Variants in DNER observed in about 807,000 individuals in gnomAD.
DNER encodes delta/notch like EGF repeat containing, also known as delta and Notch-like epidermal growth factor-related receptor.
In DNER, 33 loss-of-function variants were observed where a neutral mutation model predicts 78.2. That is an observed-to-expected ratio of 0.42 (90% CI 0.32 to 0.56). The LOEUF (loss-of-function observed/expected upper bound fraction) is 0.56. DNER is among the 20% of genes least tolerant of loss of function. The probability of loss-of-function intolerance (pLI) is 0.11; values close to 1 mark genes in which losing one functional copy is unlikely to be tolerated. For synonymous variants in DNER, 417 were observed against 384.8 expected, an observed-to-expected ratio of 1.08 and a Z score of -0.98; for missense variants, 918 against 975.3, an observed-to-expected ratio of 0.94 and a Z score of 0.78.
At chr2:229,451,396 G>A (rs760310424) in intron 7 of DNER, among the ~76,000 whole-genome samples, 57 of 152,232 alleles carry the variant, frequency 3.7e-4, no homozygotes, top group Non-Finnish European at 6.9e-4. Flanking sequence ...GGCGGAGGAT[G>A]CAGTGAGCCG....
intron 9 of DNER, among the ~76,000 whole-genome samples, chr2:229,411,913 T>C (rs1693530488): frequency 6.6e-6 from 1 of 152,206 alleles, no homozygotes. Flanking sequence ...GCAACACAGA[T>C]TATTATGGCT....
intron 1 of DNER, among the ~76,000 whole-genome samples, chr2:229,683,244 G>A (rs1020946551): frequency 6.6e-6 from 1 of 152,124 alleles, no homozygotes; most frequent in Admixed American, 6.6e-5. Context: ...TTTTATGGAT[G>A]AGGAAACCAA....
chr2:229,492,298 TTGAAGCCC>T lies in DNER; in HGVS notation c.1148-15053_1148-15046del, dbSNP rs532611884. Among the ~76,000 whole-genome samples the T allele has an allele frequency of 5.1e-4, 78 of 152,356 alleles. No individual in the cohort carries two copies. In the South Asian group the frequency reaches 0.01, roughly 20 times the overall value. On this transcript the variant is annotated intron_variant, in intron 6 of 12. Coordinates refer to ENST00000341772, the MANE Select transcript of DNER (RefSeq NM_139072.4). ...CAACCAGTAGGTAGAAGTGGTTAGC[TTGAAGCCC>T]TGACGTACCATGTCTCACTAGCTTT...
intron 7 of DNER, among the ~76,000 whole-genome samples, chr2:229,467,013 A>T (rs1694819710): frequency 6.6e-6 from 1 of 152,188 alleles, no homozygotes; most frequent in South Asian, 2.1e-4. Flanking sequence ...CACGAAAATG[A>T]TTTAAAGTGC....
At chr2:229,697,418 T>C (rs1342009201) in intron 1 of DNER, among the ~76,000 whole-genome samples, 1 of 152,232 alleles carries the variant, frequency 6.6e-6, no homozygotes, top group Non-Finnish European at 1.5e-5. Context: ...GTTTTGGAAC[T>C]AGATTATGAA....
chr2:229,615,319 A>G (rs765779987), intron 1 of DNER, among the ~76,000 whole-genome samples: 5 of 151,292 alleles, frequency 3.3e-5, no homozygotes, highest in Non-Finnish European at 7.4e-5. Flanking sequence ...GCTGAGGCAG[A>G]AGAATCGTTT....
intron 8 of DNER, among the ~76,000 whole-genome samples, chr2:229,445,033 T>C (rs1332945524): frequency 6.6e-6 from 1 of 152,132 alleles, no homozygotes; most frequent in Admixed American, 6.5e-5. Flanking sequence ...TAAGGAAGTT[T>C]TTGTTCAGAA....
At chr2:229,403,670 C>T (rs1046366590) in intron 10 of DNER, among the ~76,000 whole-genome samples, 1 of 152,090 alleles carries the variant, frequency 6.6e-6, no homozygotes, top group Non-Finnish European at 1.5e-5. Flanking sequence ...AGTCCCACTG[C>T]GCCCTGAGAT....
At chr2:229,374,824 G>A (rs1302365904) in intron 11 of DNER, among the ~76,000 whole-genome samples, 1 of 152,000 alleles carries the variant, frequency 6.6e-6, no homozygotes, top group East Asian at 1.9e-4. Context: ...TTCAGAGTTT[G>A]TACACTTATA....
chr2:229,385,099 C>G (rs1191528780), intron 11 of DNER, among the ~76,000 whole-genome samples: 1 of 131,824 alleles, frequency 7.6e-6, no homozygotes, highest in Non-Finnish European at 1.6e-5. Context: ...GAGACTCCAT[C>G]TAAAAAAAAA....
chr2:229,418,177 A>T lies in DNER; in HGVS notation c.1540T>A (p.Cys514Ser), dbSNP rs765620955. 1 of 1,614,158 alleles carries T rather than the reference A, an allele frequency of 6.2e-7. No individual in the cohort carries two copies. Among genetic ancestry groups the T allele is most frequent in the South Asian group, 1.1e-5 (1 of 91,084 alleles). Reference protein sequence around the residue: ...EEYNECLSAPCLNAATCRDLV... With the variant: ...EEYNECLSAPSLNAATCRDLV... ...TCCCTGCAGGTGGCTGCATTCAGGC[A>T]TGGAGCGGAGAGGCACTCATTATAT... The change falls in exon 9 of 13, where the codon TGC (cysteine) becomes AGC (serine). Residue 514 changes from cysteine to serine, a missense_variant. Cys to Ser is a moderately radical substitution (Grantham distance 112). Transcript: ENST00000341772.
chr2:229,666,809 A>G (rs1363941257), intron 1 of DNER, among the ~76,000 whole-genome samples: 1 of 152,214 alleles, frequency 6.6e-6, no homozygotes, highest in African/African-American at 2.4e-5. Context: ...TCAGCTGTAT[A>G]GCATTATGGT....
intron 12 of DNER, among the ~76,000 whole-genome samples, chr2:229,359,870 T>C (rs897662129): frequency 6.6e-6 from 1 of 152,236 alleles, no homozygotes. Context: ...GCATATGCTA[T>C]GCCAGACAGG....
chr2:229,593,984 AC>A (rs1460637398), intron 1 of DNER, among the ~76,000 whole-genome samples: 9 of 152,220 alleles, frequency 5.9e-5, no homozygotes, highest in Admixed American at 5.9e-4. Flanking sequence ...TAAGGCAAGG[AC>A]CACCCATCTG....
At chr2:229,519,296 G>C (rs1319120623) in intron 5 of DNER, among the ~76,000 whole-genome samples, 1 of 152,068 alleles carries the variant, frequency 6.6e-6, no homozygotes. Flanking sequence ...TCATTCCAGT[G>C]AGACAAGTCT....
At chr2:229,618,327 C>A (rs1401890998) in intron 1 of DNER, among the ~76,000 whole-genome samples, 1 of 152,134 alleles carries the variant, frequency 6.6e-6, no homozygotes, top group Non-Finnish European at 1.5e-5. Context: ...TGACAACAGG[C>A]CAACACCATT....
At chr2:229,478,647 T>C (rs2154211371) in intron 6 of DNER, among the ~76,000 whole-genome samples, 1 of 152,312 alleles carries the variant, frequency 6.6e-6, no homozygotes, top group South Asian at 2.1e-4. Context: ...TGCAAATAAC[T>C]TTTTGGCTAA....
chr2:229,524,510 G>A (rs1441071392), intron 5 of DNER, among the ~76,000 whole-genome samples: 1 of 152,184 alleles, frequency 6.6e-6, no homozygotes, highest in Non-Finnish European at 1.5e-5. Context: ...CAGGATGGTT[G>A]ACTGGTCCTC....
At chr2:229,573,087 T>G (rs891421506) in intron 4 of DNER, among the ~76,000 whole-genome samples, 1 of 152,176 alleles carries the variant, frequency 6.6e-6, no homozygotes, top group Non-Finnish European at 1.5e-5. Context: ...TTTTTTATCA[T>G]GGAATGTTCC....
Sources: gnomAD v4.1 joint callset for allele counts (sites outside exome capture counted in the v4.1 genomes callset) on GRCh38, gnomAD v4.1.1 for gene constraint, MANE v1.5 for transcripts, NCBI Gene and HGNC (gene_info 2026-07-23, HGNC 2026-07-21) for gene names.